ATP2B2: variants seen among roughly 807,000 people sequenced by gnomAD.
ATP2B2 encodes the protein ATPase plasma membrane Ca2+ transporting 2.
A neutral mutation model predicts 120.0 loss-of-function variants in ATP2B2; 15 were observed. The ratio of observed to expected loss-of-function variants is 0.12; its 90% CI spans 0.08 to 0.19. The LOEUF (loss-of-function observed/expected upper bound fraction) is 0.19, where lower values mean the gene tolerates loss of function less well. Among genes scored for constraint, ATP2B2 ranks in the 10% least tolerant of loss-of-function variants. ATP2B2 has a pLI of 1.00. For synonymous variants in ATP2B2, 694 were observed against 700.3 expected, an observed-to-expected ratio of 0.99 and a Z score of 0.14; for missense variants, 1,045 against 1,719.8, an observed-to-expected ratio of 0.61 and a Z score of 6.94.
intron 1 of ATP2B2, among the ~76,000 whole-genome samples, chr3:10,479,493 G>T (rs1359158155): frequency 6.6e-6 from 1 of 151,658 alleles, no homozygotes; most frequent in African/African-American, 2.4e-5. Flanking sequence ...ACTCATCCTG[G>T]TTGTATTTTA....
At chr3:10,498,163 A>G (rs1359097416) in intron 1 of ATP2B2, among the ~76,000 whole-genome samples, 3 of 152,234 alleles carry the variant, frequency 2.0e-5, no homozygotes, top group Non-Finnish European at 4.4e-5. Context: ...CTCCGACACA[A>G]CGGCCTGATG....
chr3:10,651,530 C>T (rs1167739925), intron 1 of ATP2B2, among the ~76,000 whole-genome samples: 7 of 152,182 alleles, frequency 4.6e-5, no homozygotes, highest in Admixed American at 4.6e-4. Flanking sequence ...AACTGTAAGT[C>T]CAATAAATCT....
intron 3 of ATP2B2, among the ~76,000 whole-genome samples, chr3:10,532,881 A>C (rs575149617): frequency 6.6e-6 from 1 of 152,280 alleles, no homozygotes; most frequent in African/African-American, 2.4e-5. Context: ...GCACAGTTAG[A>C]AGCTCAGGGT....
chr3:10,376,530 C>A (rs1474211206), intron 10 of ATP2B2, among the ~76,000 whole-genome samples: 1 of 152,140 alleles, frequency 6.6e-6, no homozygotes, highest in African/African-American at 2.4e-5. Context: ...CAGCTGGGGA[C>A]CCATCCTGAT....
At chr3:10,484,492 T>C (rs542149441) in intron 1 of ATP2B2, among the ~76,000 whole-genome samples, 1 of 152,200 alleles carries the variant, frequency 6.6e-6, no homozygotes, top group Non-Finnish European at 1.5e-5. Context: ...CTGTGGCATT[T>C]TGAGCTCTCC....
At position 10,685,755 on chromosome 3, in the gene ATP2B2, C is replaced by T. The variant is rs533183621; in HGVS notation, c.-460+22160G>A. Reference sequence around the variant, plus strand: ...CACACATGATCCCATACATGTGTGACAGCAGGGACTTATGCCTGAACGTTT... The same window carrying T: ...CACACATGATCCCATACATGTGTGATAGCAGGGACTTATGCCTGAACGTTT... On this transcript the variant is annotated intron_variant, in intron 1 of 21. Coordinates refer to the ATP2B2 transcript ENST00000646379. Among the ~76,000 whole-genome samples the T allele has an allele frequency of 7.9e-5, 12 of 152,118 alleles. No homozygotes were observed. The East Asian group carries it at 1.7e-3, about 22-fold the overall frequency.
At chr3:10,645,318 T>C (rs2070294800) in intron 1 of ATP2B2, among the ~76,000 whole-genome samples, 1 of 152,186 alleles carries the variant, frequency 6.6e-6, no homozygotes, top group African/African-American at 2.4e-5. Flanking sequence ...TCACTGGGGC[T>C]GTTGATGATA....
chr3:10,379,176 G>A, intron 9 of ATP2B2, 67 bp downstream of exon 9: 4 of 1,542,300 alleles, frequency 2.6e-6, no homozygotes, highest in Non-Finnish European at 2.7e-6. Flanking sequence ...TGTCTCTGGT[G>A]TGACTGTCAG....
rs191008721 is a variant in ATP2B2, at chr3:10,329,534, G to T, written c.3421-409C>A. Among the ~76,000 whole-genome samples the T allele has an allele frequency of 4.7e-4, 71 of 152,220 alleles. 1 individual carries two copies. Among genetic ancestry groups the T allele is most frequent in the Admixed American group, 4.4e-3 (68 of 15,294 alleles). Reference sequence around the variant, plus strand: ...GGAGGACCAGGTGGGAATCAAGTAGGAAAGAGGAGAGGCTATTAAAAAAAT... The same window carrying T: ...GGAGGACCAGGTGGGAATCAAGTAGTAAAGAGGAGAGGCTATTAAAAAAAT... On this transcript the variant is annotated intron_variant, in intron 22 of 22. Coordinates refer to ENST00000360273, the MANE Select transcript of ATP2B2 (RefSeq NM_001001331.4). The surrounding 1 kb of genome is among the most constrained non-coding windows in gnomAD (Gnocchi z 5.9).
intron 2 of ATP2B2, among the ~76,000 whole-genome samples, chr3:10,446,886 T>A (rs2063854821): frequency 6.6e-6 from 1 of 152,240 alleles, no homozygotes; most frequent in African/African-American, 2.4e-5. Context: ...ATTTTACAGA[T>A]GAGAAAACAG....
intron 5 of ATP2B2, among the ~76,000 whole-genome samples, chr3:10,399,150 A>G (rs368712966): frequency 6.6e-6 from 1 of 152,156 alleles, no homozygotes; most frequent in South Asian, 2.1e-4. Context: ...CCGGGCTTCC[A>G]CATATCCAGA....
At chr3:10,367,399 G>C (rs1285233700) in intron 12 of ATP2B2, among the ~76,000 whole-genome samples, 6 of 152,036 alleles carry the variant, frequency 3.9e-5, no homozygotes, top group Non-Finnish European at 5.9e-5. Context: ...TGCGAGATGG[G>C]AATGGTCCTA....
intron 22 of ATP2B2, chr3:10,336,113 A>G: frequency 6.5e-7 from 1 of 1,549,658 alleles, no homozygotes; most frequent in Non-Finnish European, 8.7e-7. Context: ...CGGAGGCAGT[A>G]AGGAGTCACA....
intron 2 of ATP2B2, among the ~76,000 whole-genome samples, chr3:10,443,177 G>T (rs557559148): frequency 6.6e-6 from 1 of 152,240 alleles, no homozygotes; most frequent in East Asian, 1.9e-4. Context: ...CTCCTCAGCT[G>T]TCTCCTCAAT....
intron 22 of ATP2B2, among the ~76,000 whole-genome samples, chr3:10,332,629 T>C (rs2060011772): frequency 6.6e-6 from 1 of 152,150 alleles, no homozygotes; most frequent in Non-Finnish European, 1.5e-5. Context: ...TATGAGGCTG[T>C]GGGCGTGGGC....
chr3:10,480,250 T>G (rs936648465), intron 1 of ATP2B2, among the ~76,000 whole-genome samples: 15 of 152,216 alleles, frequency 9.9e-5, no homozygotes, highest in Non-Finnish European at 2.1e-4. Context: ...AGAATCAGTT[T>G]CCTCATCAGT....
In ATP2B2 at chr3:10,446,419, C is replaced by T. The variant is rs1476193551; in HGVS notation, c.199+2926G>A. On this transcript the variant is annotated intron_variant, in intron 2 of 22. Transcript: ENST00000360273. ...CTGAATCCTACCACACAGAACTACCCGTGTGTCAGGGACTGTTCTAAGCTA... is the reference window on the plus strand; with the variant it reads ...CTGAATCCTACCACACAGAACTACCTGTGTGTCAGGGACTGTTCTAAGCTA... Among the ~76,000 whole-genome samples, 3 of 152,182 alleles carry T rather than the reference C, an allele frequency of 2.0e-5. No homozygotes were observed. In the East Asian group the frequency reaches 5.8e-4, roughly 29 times the overall value.
chr3:10,601,859 C>T (rs2068931722), intron 2 of ATP2B2, among the ~76,000 whole-genome samples: 1 of 152,228 alleles, frequency 6.6e-6, no homozygotes, highest in Non-Finnish European at 1.5e-5. Flanking sequence ...TCCCCCAAGT[C>T]CCTTCCAGCC....
intron 1 of ATP2B2, among the ~76,000 whole-genome samples, chr3:10,486,649 G>GT (rs2065686300): frequency 1.3e-5 from 2 of 152,068 alleles, no homozygotes; most frequent in African/African-American, 2.4e-5. Flanking sequence ...CACGCTAGTG[G>GT]CAGGGAGCCC....
Sources: gnomAD v4.1 joint callset for allele counts (sites outside exome capture counted in the v4.1 genomes callset) on GRCh38, gnomAD v4.1.1 for gene constraint, Gnocchi (gnomAD v3.1) non-coding constraint, MANE v1.5 for transcripts, NCBI Gene and HGNC (gene_info 2026-07-23, HGNC 2026-07-21) for gene names.